Variants in CDH18 observed in about 807,000 individuals in gnomAD.
The protein encoded by CDH18 is cadherin-18.
CDH18 carries 31 observed loss-of-function variants against 67.9 expected under a neutral mutation model. That is an observed-to-expected ratio of 0.46 (90% CI 0.34 to 0.62). CDH18 has a LOEUF of 0.62. CDH18 is among the 20% of genes least tolerant of loss of function. The pLI is 0.01. For synonymous variants in CDH18, 362 were observed against 347.2 expected (o/e 1.04, Z -0.48); for missense variants, 890 against 975.5 (o/e 0.91, Z 1.17).
chr5:19,878,793 C>T lies in CDH18; in HGVS notation c.-256-39551G>A, dbSNP rs116316635. On this transcript the variant is annotated intron_variant, in intron 2 of 12. Transcript: ENST00000382275. ...ATTACATGAGTCTATGATAAATGTA[C>T]TCTCATACCGGAAAGTCATTTTATA... is the stretch of plus-strand genomic sequence containing the variant. Among the ~76,000 whole-genome samples the T allele has an allele frequency of 5.6e-3, 853 of 152,050 alleles. 11 individuals are homozygous for T. Among genetic ancestry groups the T allele is most frequent in the African/African-American group, 0.02 (810 of 41,512 alleles).
intron 4 of CDH18, among the ~76,000 whole-genome samples, chr5:19,727,852 G>C (rs1767053263): frequency 6.6e-6 from 1 of 152,128 alleles, no homozygotes; most frequent in African/African-American, 2.4e-5. Context: ...TTGAACATCA[G>C]GCACTTCTAA....
chr5:20,252,106 CA>C (rs1743902738), intron 2 of CDH18, among the ~76,000 whole-genome samples: 1 of 152,050 alleles, frequency 6.6e-6, no homozygotes, highest in Admixed American at 6.6e-5. Flanking sequence ...AAATATTAAT[CA>C]CTTTGGGAGG....
chr5:19,679,559 A>C (rs1192137946), intron 5 of CDH18, among the ~76,000 whole-genome samples: 2 of 151,982 alleles, frequency 1.3e-5, no homozygotes, highest in African/African-American at 4.8e-5. Context: ...AAATCCCTAA[A>C]GACTCCACCA....
chr5:20,019,490 C>A (rs1025698959), intron 2 of CDH18, among the ~76,000 whole-genome samples: 3 of 152,082 alleles, frequency 2.0e-5, no homozygotes, highest in African/African-American at 7.2e-5. Flanking sequence ...CAATTTGCCT[C>A]TTGCTGGTCT....
At chr5:20,295,242 T>C (rs900787001) in intron 1 of CDH18, among the ~76,000 whole-genome samples, 1 of 152,144 alleles carries the variant, frequency 6.6e-6, no homozygotes, top group African/African-American at 2.4e-5. Context: ...TAATTGTATA[T>C]AACAGTCTAA....
At chr5:20,038,871 A>C (rs113318747) in intron 2 of CDH18, among the ~76,000 whole-genome samples, 5,125 of 151,960 alleles carry the variant, frequency 0.034, 250 homozygotes, top group East Asian at 0.25. Context: ...AAGAAATAAC[A>C]AGTATTGAAA....
chr5:20,290,624 G>A (rs1023099387), intron 1 of CDH18, among the ~76,000 whole-genome samples: 2 of 152,136 alleles, frequency 1.3e-5, no homozygotes, highest in Non-Finnish European at 2.9e-5. Context: ...GCCACATCCT[G>A]ACAAGCATTC....
At chr5:20,571,482 TA>T (rs965510352) in intron 1 of CDH18, among the ~76,000 whole-genome samples, 2 of 152,142 alleles carry the variant, frequency 1.3e-5, no homozygotes, top group African/African-American at 4.8e-5. Context: ...TACCAAAATC[TA>T]ATTTTGTGAA....
At chr5:20,107,118 T>C (rs1473166271) in intron 2 of CDH18, among the ~76,000 whole-genome samples, 2 of 151,082 alleles carry the variant, frequency 1.3e-5, no homozygotes, top group East Asian at 3.9e-4. Context: ...TCTCGCTCTG[T>C]CGCCCAGGCT....
At chr5:20,254,367 C>A (rs1263055944) in intron 2 of CDH18, among the ~76,000 whole-genome samples, 1 of 152,180 alleles carries the variant, frequency 6.6e-6, no homozygotes, top group Non-Finnish European at 1.5e-5. Context: ...CTGCCTCATC[C>A]TCCTAAAGTT....
chr5:20,554,049 A>C (rs720189), intron 1 of CDH18, among the ~76,000 whole-genome samples: 60,496 of 151,742 alleles, frequency 0.4, 13,491 homozygotes, highest in East Asian at 0.57. Flanking sequence ...TAGGAATCTC[A>C]CTCCTCCTAG....
chr5:19,796,217 A>C (rs1399619721), intron 3 of CDH18, among the ~76,000 whole-genome samples: 2 of 152,122 alleles, frequency 1.3e-5, no homozygotes, highest in Non-Finnish European at 2.9e-5. Flanking sequence ...TACAGATCCA[A>C]GAAGCTGAGA....
chr5:20,380,443 G>A (rs1743822293), intron 1 of CDH18, among the ~76,000 whole-genome samples: 1 of 152,090 alleles, frequency 6.6e-6, no homozygotes, highest in African/African-American at 2.4e-5. Flanking sequence ...TATCTTAATA[G>A]CTCATTATCT....
At chr5:20,355,200 A>G (rs1741515953) in intron 1 of CDH18, among the ~76,000 whole-genome samples, 2 of 152,166 alleles carry the variant, frequency 1.3e-5, no homozygotes, top group Admixed American at 1.3e-4. Flanking sequence ...TTGTGCTAGT[A>G]AGACGAAGAA....
chr5:20,023,366 G>A (rs538664358), intron 2 of CDH18, among the ~76,000 whole-genome samples: 1 of 152,102 alleles, frequency 6.6e-6, no homozygotes, highest in South Asian at 2.1e-4. Context: ...CATTGGCCAG[G>A]TTTCTCAGCT....
rs376091293 is a variant in CDH18, at chr5:20,538,898, G to GTTTTTTTTTTTTTTTTTTTTTTTT, written c.-580+36563_-580+36564insAAAAAAAAAAAAAAAAAAAAAAAA. Among the ~76,000 whole-genome samples the GTTTTTTTTTTTTTTTTTTTTTTTT allele has an allele frequency of 2.8e-5, 3 of 106,764 alleles. 1 individual carries two copies. The highest frequency in any genetic ancestry group is 1.8e-5 in the Non-Finnish European group (1 of 55,186). The allele number at this position is 106,764 out of a possible 152,430, so 70.0% of individuals were successfully genotyped here. A position where few individuals can be genotyped will look rare whatever the true frequency, so the allele number is the denominator to read the frequency against. On this transcript the variant is annotated intron_variant, in intron 1 of 14. Coordinates refer to the CDH18 transcript ENST00000507958. ...TGGATATACATCCACATAGCCAACTGTTTTTTTTTTGTTTTTTTTTTTTTT... is the reference window on the plus strand; with the variant it reads ...TGGATATACATCCACATAGCCAACTGTTTTTTTTTTTTTTTTTTTTTTTTTTTTTTTTTTGTTTTTTTTTTTTTT...
chr5:19,876,088 T>A (rs932186917), intron 2 of CDH18, among the ~76,000 whole-genome samples: 1 of 152,136 alleles, frequency 6.6e-6, no homozygotes, highest in Non-Finnish European at 1.5e-5. Flanking sequence ...GGGACATGGC[T>A]AAAAGTAGTA....
chr5:20,074,257 G>A (rs1561769173), intron 2 of CDH18, among the ~76,000 whole-genome samples: 1 of 152,116 alleles, frequency 6.6e-6, no homozygotes, highest in South Asian at 2.1e-4. Flanking sequence ...TAATATCTAA[G>A]TTCTTCTGTG....
intron 2 of CDH18, among the ~76,000 whole-genome samples, chr5:20,058,617 A>T (rs1050602508): frequency 2.0e-5 from 3 of 152,192 alleles, no homozygotes; most frequent in African/African-American, 7.2e-5. Flanking sequence ...CTAGCCAAAG[A>T]ATCATAGTAT....
Sources: gnomAD v4.1 joint callset for allele counts (sites outside exome capture counted in the v4.1 genomes callset) on GRCh38, gnomAD v4.1.1 for gene constraint, MANE v1.5 for transcripts, NCBI Gene and HGNC (gene_info 2026-07-23, HGNC 2026-07-21) for gene names.